CAMTA2: variants seen among roughly 807,000 people sequenced by gnomAD.
CAMTA2 encodes calmodulin binding transcription activator 2.
A neutral mutation model predicts 135.7 loss-of-function variants in CAMTA2; 56 were observed. That is an observed-to-expected ratio of 0.41 (90% confidence interval 0.33 to 0.52). The LOEUF is 0.52. Ranked by LOEUF, CAMTA2 falls within the 20% of genes least tolerant of loss-of-function variation. The probability of loss-of-function intolerance (pLI) is 0.16; values close to 1 mark genes in which losing one functional copy is unlikely to be tolerated. For missense variants in CAMTA2, 1,358 were observed against 1,553.4 expected (o/e 0.87, Z 2.11); for synonymous variants, 591 against 604.6 (o/e 0.98, Z 0.33).
In CAMTA2 at chr17:4,980,806, C is replaced by G. The variant is rs1330805242; in HGVS notation, c.701-185G>C. ...CCCCTACCCTTTATTCCCCCTCCCC[C>G]TCTCCATTTCCCCTCAAAACAAGCA... On this transcript the variant is annotated intron_variant, in intron 8 of 22. Transcript: ENST00000348066. This position sits in a 1 kb window ranked among gnomAD's most constrained non-coding sequence, Gnocchi z 5.3. Among the ~76,000 whole-genome samples the G allele has an allele frequency of 1.3e-5, 2 of 152,176 alleles. No individual in the cohort carries two copies. The highest frequency in any genetic ancestry group is 2.9e-5 in the Non-Finnish European group (2 of 68,034).
At chr17:4,974,605 ATTCTT>A in intron 11 of CAMTA2, 105 bp from the exon 12 acceptor site, 1 of 710,068 alleles carries the variant, frequency 1.4e-6, no homozygotes, top group Middle Eastern at 2.4e-4. Flanking sequence ...ACAGAACCAT[ATTCTT>A]TTATCTTCCC....
chr17:4,981,710 C>T lies in CAMTA2; in HGVS notation c.533G>A (p.Arg178Gln), dbSNP rs540719785. 51 of 1,611,572 alleles carry T rather than the reference C, an allele frequency of 3.2e-5. 2 individuals are homozygous for T. In the South Asian group the frequency reaches 4.5e-4, roughly 14 times the overall value. ...SDRREWLKWS[R>Q]EELLGQLKPM... ...CTTCAGCTGTCCCAACAACTCCTCC[C>T]GGGACCACTTCAGCCACTCTCGACG... Residue 178 changes from arginine to glutamine, a missense_variant, in exon 7 of 23, where the codon CGG (arginine) becomes CAG (glutamine). Arg to Gln is a conservative substitution (Grantham distance 43). Coordinates refer to ENST00000348066, the MANE Select transcript of CAMTA2 (RefSeq NM_015099.4).
chr17:4,985,687 G>A (rs1345547931), intron 3 of CAMTA2, among the ~76,000 whole-genome samples, 193 bp downstream of exon 3: 4 of 152,096 alleles, frequency 2.6e-5, no homozygotes, highest in Admixed American at 2.6e-4. Context: ...GCCTCCCAAA[G>A]TGCTGGGATT....
In CAMTA2 at chr17:4,980,762, C is replaced by T; in HGVS notation, c.701-141G>A. 3.0e-6 allele frequency: 2 copies of T among 671,720 alleles called. No homozygotes were observed. Among genetic ancestry groups the T allele is most frequent in the Non-Finnish European group, 5.3e-6 (2 of 378,320 alleles). The allele number at this position is 671,720 out of a possible 1,614,324, so 41.6% of individuals were successfully genotyped here. On this transcript the variant is annotated intron_variant, in intron 8 of 22. Coordinates refer to ENST00000348066, the MANE Select transcript of CAMTA2 (RefSeq NM_015099.4). The surrounding 1 kb of genome is among the most constrained non-coding windows in gnomAD (Gnocchi z 5.3). ...ACTGATTGTAGCCACTGGGAGGCAT[C>T]AGAAATGTCTGTTCTCTACCCCTAC...
At position 4,968,554 on chromosome 17, in the gene CAMTA2, C is replaced by A. The variant is rs2151153411; in HGVS notation, c.*202G>T. ...GGCGCGGGTTTTCTGGAGCCAGGACCAAAAGAGACGGGGCACGACCAGGAG... is the reference window on the plus strand; with the variant it reads ...GGCGCGGGTTTTCTGGAGCCAGGACAAAAAGAGACGGGGCACGACCAGGAG... On this transcript the variant is annotated 3_prime_UTR_variant, in exon 23 of 23. Transcript: ENST00000348066. The A allele has an allele frequency of 1.6e-6, 1 of 618,512 alleles. No homozygotes were observed. The highest frequency in any genetic ancestry group is 1.9e-5 in the South Asian group (1 of 51,858). The allele number at this position is 618,512 out of a possible 1,614,324, so 38.3% of individuals were successfully genotyped here.
At position 4,979,695 on chromosome 17, in the gene CAMTA2, A is replaced by C; in HGVS notation, c.1627T>G (p.Ser543Ala). The C allele has an allele frequency of 3.1e-6, 5 of 1,612,642 alleles. No homozygotes were observed. Among genetic ancestry groups the C allele is most frequent in the Non-Finnish European group, 4.2e-6 (5 of 1,179,048 alleles). ...STITDFSPEW[S>A]YPEGGVKVLI... Reference sequence around the variant, plus strand: ...AGCCTGAGTCTCACCTCTGGGTAGGACCACTCTGGGGAGAAGTCTGTGATG... The same window carrying C: ...AGCCTGAGTCTCACCTCTGGGTAGGCCCACTCTGGGGAGAAGTCTGTGATG... Residue 543 changes from serine to alanine, a missense_variant, in exon 9 of 23, where the codon TCC (serine) becomes GCC (alanine). Physicochemically the swap from Ser to Ala is moderately conservative, Grantham distance 99 (BLOSUM62 1). Around this residue, in one of 4 missense-constraint regions of CAMTA2, gnomAD observed 1,077 missense variants for 1,127.5 expected, o/e 0.96. Coordinates refer to ENST00000348066, the MANE Select transcript of CAMTA2 (RefSeq NM_015099.4).
Position 4,969,348 on chromosome 17 carries a change from G to A in CAMTA2, c.3283-11C>T, listed in dbSNP as rs113624377. The A allele has an allele frequency of 1.9e-6, 3 of 1,613,298 alleles. No individual in the cohort carries two copies. Among genetic ancestry groups the A allele is most frequent in the Non-Finnish European group, 2.5e-6 (3 of 1,179,474 alleles). ...CTTATAGAGTGCAAACTGCAGGGGT[G>A]GGGAGGAGGGACAGGGGCTGAAATA... is the stretch of plus-strand genomic sequence containing the variant. On this transcript the variant is annotated splice_polypyrimidine_tract_variant and intron_variant, in intron 20 of 22. Transcript: ENST00000348066. This position sits in a 1 kb window ranked among gnomAD's most constrained non-coding sequence, Gnocchi z 5.6.
intron 3 of CAMTA2, among the ~76,000 whole-genome samples, 163 bp downstream of exon 3, chr17:4,985,717 C>A (rs916010002): frequency 2.0e-5 from 3 of 152,142 alleles, no homozygotes; most frequent in Non-Finnish European, 4.4e-5. Flanking sequence ...AGCCACCATG[C>A]CCGGCCAAGA....
At position 4,980,336 on chromosome 17, in the gene CAMTA2, G is replaced by A; in HGVS notation, c.986C>T (p.Thr329Ile). 6.2e-7 allele frequency: 1 copy of A among 1,614,032 alleles called. No homozygotes were observed. Among genetic ancestry groups the A allele is most frequent in the Non-Finnish European group, 8.5e-7 (1 of 1,179,932 alleles). ...GCCTCCAGCCCGCTGCTCCAGTCCT[G>A]TCAGGAGGAGGATAGCAGTGCCTCC... is the stretch of plus-strand genomic sequence containing the variant. ...SRGGTAILLL[T>I]GLEQRAGGLT... is the part of the protein sequence containing the mutation. The change falls in exon 9 of 23, where the codon ACA (threonine) becomes ATA (isoleucine). Residue 329 changes from threonine to isoleucine, a missense_variant. Physicochemically the swap from Thr to Ile is moderately conservative, Grantham distance 89. Transcript: ENST00000348066. This position sits in a 1 kb window ranked among gnomAD's most constrained non-coding sequence, Gnocchi z 5.3.
chr17:4,974,626 C>A, intron 11 of CAMTA2, 126 bp from the exon 12 acceptor site: 1 of 647,006 alleles, frequency 1.5e-6, no homozygotes. Context: ...TTCCCCAAAA[C>A]AACAGCTCCT....
chr17:4,968,355 A>G lies in CAMTA2; in HGVS notation c.*401T>C, dbSNP rs912664119. On this transcript the variant is annotated 3_prime_UTR_variant, in exon 23 of 23. Coordinates refer to ENST00000348066, the MANE Select transcript of CAMTA2 (RefSeq NM_015099.4). ...GGGACACGGTCAGCCCTGAAACACG[A>G]GGGGCGTGCGCAGCGAAGGCAGTGG... 3 of 319,676 alleles carry G rather than the reference A, an allele frequency of 9.4e-6. No homozygotes were observed. The highest frequency in any genetic ancestry group is 1.2e-5 in the Non-Finnish European group (2 of 167,630). 19.8% of individuals were successfully genotyped at this position (319,676 alleles called of 1,614,324 possible). A position where few individuals can be genotyped will look rare whatever the true frequency, so the allele number is the denominator to read the frequency against.
rs779062904 is a variant in CAMTA2, at chr17:4,972,446, G to C, written c.2594C>G (p.Pro865Arg). 6 of 1,613,706 alleles carry C rather than the reference G, an allele frequency of 3.7e-6. No individual in the cohort carries two copies. Among genetic ancestry groups the C allele is most frequent in the African/African-American group, 1.3e-5 (1 of 74,936 alleles). ...AYSSAPDGSP[P>R]PAPLPASEMT... ...CTCAGAGGCTGGCAGAGGTGCAGGG[G>C]GGGGACTGCCATCTGGGGCACTAGA... The change falls in exon 16 of 23, where the codon CCC becomes CGC. Residue 865 changes from proline to arginine, a missense_variant. This residue lies in a region of CAMTA2 where 1,077 missense variants were observed against 1,127.5 expected (regional missense o/e 0.96). Transcript: ENST00000348066.
At chr17:4,987,444 G>A (rs1157591139) in intron 1 of CAMTA2, 149 bp downstream of exon 1, 9 of 1,383,458 alleles carry the variant, frequency 6.5e-6, no homozygotes, top group Non-Finnish European at 7.4e-6. Context: ...GGCGCCCCCT[G>A]GCGCGGGGGA....
In CAMTA2 at chr17:4,969,933, C is replaced by T. The variant is rs755730230; in HGVS notation, c.3158G>A (p.Arg1053Gln). 3 of 1,614,210 alleles carry T rather than the reference C, an allele frequency of 1.9e-6. No individual in the cohort carries two copies. Among genetic ancestry groups the T allele is most frequent in the Non-Finnish European group, 2.5e-6 (3 of 1,180,032 alleles). The change falls in exon 18 of 23, where the codon CGA (arginine) becomes CAA (glutamine). Residue 1053 changes from arginine to glutamine, a missense_variant. Arg to Gln is a conservative substitution (Grantham distance 43). Around this residue, in one of 4 missense-constraint regions of CAMTA2, gnomAD observed 167 missense variants for 207.0 expected, o/e 0.81. Coordinates refer to ENST00000348066, the MANE Select transcript of CAMTA2 (RefSeq NM_015099.4). This position sits in a 1 kb window ranked among gnomAD's most constrained non-coding sequence, Gnocchi z 5.6. ...HEQRELYEAA[R>Q]VIQTAFRKYK... Reference sequence around the variant, plus strand: ...CTTTCGGAAGGCCGTCTGGATGACTCGGGCAGCCTCATACAGTTCCCGCTG... The same window carrying T: ...CTTTCGGAAGGCCGTCTGGATGACTTGGGCAGCCTCATACAGTTCCCGCTG...
Position 4,972,621 on chromosome 17 carries a change from G to C in CAMTA2, c.2504-85C>G, listed in dbSNP as rs775881248. On this transcript the variant is annotated intron_variant, in intron 15 of 22. Transcript: ENST00000348066. ...CTCCTGCCTTCCCCATCCTGTTCTC[G>C]GTCCCCGTCTGTTCTTGCTTCTGTT... The C allele has an allele frequency of 5.4e-6, 8 of 1,487,174 alleles. No homozygotes were observed. The African/African-American group carries it at 9.7e-5, about 18-fold the overall frequency. The allele number at this position is 1,487,174 out of a possible 1,614,324, so 92.1% of individuals were successfully genotyped here.
Position 4,968,654 on chromosome 17 carries a change from A to G in CAMTA2, c.*102T>C. On this transcript the variant is annotated 3_prime_UTR_variant, in exon 23 of 23. Coordinates refer to ENST00000348066, the MANE Select transcript of CAMTA2 (RefSeq NM_015099.4). ...CTACAGAGGGCTCCAACAAAGGTGA[A>G]CAGGAAAGCTGCCGACAGGGGCTCC... 7.3e-7 allele frequency: 1 copy of G among 1,368,712 alleles called. No homozygotes were observed. Among genetic ancestry groups the G allele is most frequent in the Non-Finnish European group, 1.0e-6 (1 of 974,880 alleles). 84.8% of individuals were successfully genotyped at this position (1,368,712 alleles called of 1,614,324 possible).
chr17:4,973,287 A>G (rs764472201), intron 13 of CAMTA2, 34 bp from the exon 14 acceptor site: 25 of 1,556,364 alleles, frequency 1.6e-5, no homozygotes, highest in East Asian at 2.2e-5. Context: ...GCAGAGCCCA[A>G]TGAGGGAAAA....
chr17:4,987,317 G>C, intron 1 of CAMTA2: 5 of 1,345,114 alleles, frequency 3.7e-6, no homozygotes, highest in Non-Finnish European at 4.7e-6. Context: ...TTCTGGAGAA[G>C]CCGGGAGCAG....
chr17:4,987,468 G>A (rs1448744888), intron 1 of CAMTA2, 125 bp downstream of exon 1: 2 of 1,385,134 alleles, frequency 1.4e-6, no homozygotes, highest in African/African-American at 3.1e-5. Flanking sequence ...GGACGGAAGC[G>A]GGAGGTGAGG....
Sources: gnomAD v4.1 joint callset for allele counts (sites outside exome capture counted in the v4.1 genomes callset) on GRCh38, gnomAD v4.1.1 for gene constraint, gnomAD v4.1.1 regional missense constraint, Gnocchi (gnomAD v3.1) non-coding constraint, MANE v1.5 for transcripts, NCBI Gene and HGNC (gene_info 2026-07-23, HGNC 2026-07-21) for gene names.